The following CEP170 variants were observed in gnomAD, a reference collection of about 807,000 sequenced individuals.
CEP170 encodes centrosomal protein 170.
CEP170 carries 21 observed loss-of-function variants against 151.9 expected under a neutral mutation model. The ratio of observed to expected loss-of-function variants is 0.14; its 90% confidence interval spans 0.10 to 0.20. The LOEUF (loss-of-function observed/expected upper bound fraction) is 0.20. Among genes scored for constraint, CEP170 ranks in the 10% least tolerant of loss-of-function variants. The pLI is 1.00. For synonymous variants in CEP170, 356 were observed against 648.8 expected (o/e 0.55, Z 6.86); for missense variants, 964 against 1,892.9 (o/e 0.51, Z 9.11).
chr1:243,158,537 G>A (rs1318021074), intron 13 of CEP170, among the ~76,000 whole-genome samples: 5 of 152,110 alleles, frequency 3.3e-5, no homozygotes, highest in Non-Finnish European at 7.3e-5. Context: ...GAAAGCAGAA[G>A]GAGAAATTGA....
chr1:243,222,318 C>G (rs1194809120), intron 2 of CEP170, among the ~76,000 whole-genome samples: 1 of 152,164 alleles, frequency 6.6e-6, no homozygotes, highest in Non-Finnish European at 1.5e-5. Flanking sequence ...GGCTCTAAAA[C>G]TGGAATTCAC....
At chr1:243,195,680 A>G (rs1304335349) in intron 7 of CEP170, among the ~76,000 whole-genome samples, 1 of 152,112 alleles carries the variant, frequency 6.6e-6, no homozygotes, top group African/African-American at 2.4e-5. Context: ...TGAAACTTAA[A>G]AAAAAAGTTT....
intron 1 of CEP170, among the ~76,000 whole-genome samples, chr1:243,243,760 T>C: frequency 6.6e-6 from 1 of 151,982 alleles, no homozygotes; most frequent in East Asian, 1.9e-4. Flanking sequence ...ACTCCTGACC[T>C]TGTGATCCGC....
chr1:243,139,812 A>C, intron 16 of CEP170, 125 bp downstream of exon 16: 2 of 964,654 alleles, frequency 2.1e-6, no homozygotes, highest in South Asian at 4.5e-5. Flanking sequence ...TGTCATGGTG[A>C]AATTTCATTG....
chr1:243,156,990 GA>G (rs931865864), intron 13 of CEP170, among the ~76,000 whole-genome samples: 1 of 150,746 alleles, frequency 6.6e-6, no homozygotes, highest in Non-Finnish European at 1.5e-5. Flanking sequence ...CTTTATGGCA[GA>G]AAAAAAAACA....
chr1:243,143,579 A>C (rs2056133566), intron 14 of CEP170, among the ~76,000 whole-genome samples: 1 of 152,116 alleles, frequency 6.6e-6, no homozygotes. Flanking sequence ...CATTTCAATA[A>C]GACATTAACG....
chr1:243,139,672 T>TA (rs2055595880), intron 16 of CEP170, among the ~76,000 whole-genome samples: 1 of 152,178 alleles, frequency 6.6e-6, no homozygotes, highest in Non-Finnish European at 1.5e-5. Context: ...TTTCATGCAT[T>TA]AAGAACTAAA....
Position 243,227,105 on chromosome 1 carries a change from G to A in CEP170, c.-41-1784C>T, listed in dbSNP as rs540872389. On this transcript the variant is annotated intron_variant, in intron 1 of 19. Transcript: ENST00000366542. ...TAATGAAGATCTTCCAAATGTTGAC[G>A]TGTTTCATTATACTATTTTAAAACA... Among the ~76,000 whole-genome samples the A allele has an allele frequency of 5.9e-5, 9 of 152,236 alleles. No homozygotes were observed. The South Asian group carries it at 8.3e-4, about 14-fold the overall frequency.
At position 243,126,406 on chromosome 1, in the gene CEP170, T is replaced by C; in HGVS notation, c.*43A>G. The C allele has an allele frequency of 1.3e-6, 2 of 1,559,554 alleles. No homozygotes were observed. The highest frequency in any genetic ancestry group is 1.7e-6 in the Non-Finnish European group (2 of 1,147,832). ...AACACTATGCTGCTTCCAATATTCC[T>C]AGCCATTCCACAGGTAATGATTTTT... is the stretch of plus-strand genomic sequence containing the variant. On this transcript the variant is annotated 3_prime_UTR_variant, in exon 20 of 20. Transcript: ENST00000366542.
At chr1:243,163,020 C>T (rs1347884849) in intron 13 of CEP170, 1 of 152,016 alleles carries the variant, frequency 6.6e-6, no homozygotes, top group Non-Finnish European at 1.5e-5. Flanking sequence ...CTGGCTTCAC[C>T]CTACGTCCAT....
chr1:243,196,132 A>G (rs1199647378), intron 7 of CEP170, among the ~76,000 whole-genome samples: 1 of 152,106 alleles, frequency 6.6e-6, no homozygotes, highest in Non-Finnish European at 1.5e-5. Flanking sequence ...GGAGGGATCA[A>G]TTTTTATGGC....
At position 243,195,816 on chromosome 1, in the gene CEP170, C is replaced by T. The variant is rs1470503834; in HGVS notation, c.631+3244G>A. 2.0e-5 allele frequency among the ~76,000 whole-genome samples: 3 copies of T among 152,016 alleles called. 1 individual carries two copies. The highest frequency in any genetic ancestry group is 6.3e-3 in the Middle Eastern group (2 of 316). On this transcript the variant is annotated intron_variant, in intron 7 of 19. Coordinates refer to ENST00000366542, the MANE Select transcript of CEP170 (RefSeq NM_014812.3). ...TTACAAGACAGTAAACTATTTTCCTCATCCTATATTTTAAAAAGCTGCAAA... is the reference window on the plus strand; with the variant it reads ...TTACAAGACAGTAAACTATTTTCCTTATCCTATATTTTAAAAAGCTGCAAA...
At position 243,248,242 on chromosome 1, in the gene CEP170, G is replaced by A. The variant is rs1480540929; in HGVS notation, c.-42+6798C>T. 2.6e-5 allele frequency among the ~76,000 whole-genome samples: 4 copies of A among 152,336 alleles called. No individual in the cohort carries two copies. The East Asian group carries it at 7.7e-4, about 29-fold the overall frequency. On this transcript the variant is annotated intron_variant, in intron 1 of 19. Transcript: ENST00000366542. ...TATTTAGGTGATTAAAGGTGATACA[G>A]GGGACTGATCACTCCTTATCTCTAA... is the stretch of plus-strand genomic sequence containing the variant.
At chr1:243,133,810 C>T (rs536303802) in intron 17 of CEP170, among the ~76,000 whole-genome samples, 2 of 152,208 alleles carry the variant, frequency 1.3e-5, no homozygotes, top group East Asian at 1.9e-4. Context: ...CTATATCTCA[C>T]GTAAGACAAT....
intron 8 of CEP170, among the ~76,000 whole-genome samples, chr1:243,186,991 T>A (rs2059978582): frequency 6.6e-6 from 1 of 152,234 alleles, no homozygotes; most frequent in African/African-American, 2.4e-5. Context: ...CATTAATTAT[T>A]GCAAAATTTT....
chr1:243,190,897 A>G (rs1301799206), intron 8 of CEP170, 121 bp downstream of exon 8: 1 of 1,416,476 alleles, frequency 7.1e-7, no homozygotes, highest in East Asian at 2.5e-5. Flanking sequence ...AAGACTAAAT[A>G]TAACCTTTGA....
chr1:243,240,379 G>GTTCCAAGAT (rs2064707474), intron 1 of CEP170, among the ~76,000 whole-genome samples: 1 of 152,148 alleles, frequency 6.6e-6, no homozygotes, highest in Admixed American at 6.5e-5. Context: ...CATATGATCC[G>GTTCCAAGAT]TTCCAAGATT....
At chr1:243,224,016 A>G (rs939050950) in intron 2 of CEP170, among the ~76,000 whole-genome samples, 4 of 152,204 alleles carry the variant, frequency 2.6e-5, no homozygotes, top group Non-Finnish European at 5.9e-5. Context: ...TAGGAAGAAT[A>G]TGTAATGGAT....
rs2053614972 is a variant in CEP170, at chr1:243,125,328, TC to T, written c.*1120del. ...CACAGGCCAAAGGCCTTTGTCGTCGTCTTGCAGGGTCCTTATAAATGTGTAA... is the reference window on the plus strand; with the variant it reads ...CACAGGCCAAAGGCCTTTGTCGTCGTTTGCAGGGTCCTTATAAATGTGTAA... On this transcript the variant is annotated 3_prime_UTR_variant, in exon 20 of 20. Coordinates refer to ENST00000366542, the MANE Select transcript of CEP170 (RefSeq NM_014812.3). 1 of 152,682 alleles carries T rather than the reference TC, an allele frequency of 6.5e-6. No individual in the cohort carries two copies. The highest frequency in any genetic ancestry group is 1.5e-5 in the Non-Finnish European group (1 of 68,042). The allele number at this position is 152,682 out of a possible 1,614,324, so 9.5% of individuals were successfully genotyped here.
Sources: allele counts gnomAD v4.1 joint callset (sites outside exome capture counted in the v4.1 genomes callset), GRCh38; gene constraint gnomAD v4.1.1; transcripts MANE v1.5; gene names NCBI Gene and HGNC (gene_info 2026-07-23, HGNC 2026-07-21).